The following PROM1 variants were observed in gnomAD, a reference collection of about 807,000 sequenced individuals.
The protein encoded by PROM1 is prominin 1, also known as prominin-1.
PROM1 carries 105 observed loss-of-function variants against 116.9 expected under a neutral mutation model. The observed-to-expected ratio is 0.90, with a 90% CI of 0.77 to 1.06. PROM1 has a LOEUF of 1.06. PROM1 is among the 50% of genes least tolerant of loss of function. The pLI is 0.00. For missense variants in PROM1, 1,122 were observed against 1,045.2 expected, an observed-to-expected ratio of 1.07 and a Z score of -1.01; for synonymous variants, 393 against 387.0, an observed-to-expected ratio of 1.02 and a Z score of -0.18.
rs562839152 is a variant in PROM1, at chr4:16,030,420, C to T, written c.509+2884G>A. On this transcript the variant is annotated intron_variant, in intron 5 of 27. Transcript: ENST00000447510. ...TTACAATTTTCACATTAATGTTTTA[C>T]TTGGGTGGGGAAAAAAATTGTTTTA... Among the ~76,000 whole-genome samples the T allele has an allele frequency of 5.3e-4, 80 of 151,984 alleles. 2 individuals carry two copies. Among genetic ancestry groups the T allele is most frequent in the African/African-American group, 1.8e-3 (76 of 41,476 alleles).
chr4:16,002,998 A>G (rs1401072528), intron 13 of PROM1, among the ~76,000 whole-genome samples: 1 of 152,242 alleles, frequency 6.6e-6, no homozygotes, highest in Non-Finnish European at 1.5e-5. Flanking sequence ...AGAATATGCG[A>G]CAAAGACTGT....
intron 2 of PROM1, among the ~76,000 whole-genome samples, chr4:16,057,290 G>A (rs996168804): frequency 6.6e-6 from 1 of 152,212 alleles, no homozygotes; most frequent in African/African-American, 2.4e-5. Context: ...CAGTTTCCAA[G>A]AGGATATAAA....
Position 16,018,236 on chromosome 4 carries a change from A to G in PROM1, c.1002+87T>C. 3 of 1,274,612 alleles carry G rather than the reference A, an allele frequency of 2.4e-6. No individual in the cohort carries two copies. The East Asian group carries it at 7.2e-5, about 31-fold the overall frequency. The allele number at this position is 1,274,612 out of a possible 1,614,324, so 79.0% of individuals were successfully genotyped here. A position where few individuals can be genotyped will look rare whatever the true frequency, so the allele number is the denominator to read the frequency against. ...TAACTGTTCTCCAAGTCAGGCCACC[A>G]TGCACTGGATAGGTCACCCACGCTT... On this transcript the variant is annotated intron_variant, in intron 9 of 27. Coordinates refer to ENST00000447510, the MANE Select transcript of PROM1 (RefSeq NM_006017.3).
At chr4:16,021,602 C>T (rs935845740) in intron 8 of PROM1, among the ~76,000 whole-genome samples, 1 of 152,196 alleles carries the variant, frequency 6.6e-6, no homozygotes, top group Non-Finnish European at 1.5e-5. Context: ...AACGCACTGA[C>T]GCACGAGGGA....
At chr4:15,979,010 AGAAGGAAG>A (rs3839177) in intron 26 of PROM1, among the ~76,000 whole-genome samples, 6 of 148,322 alleles carry the variant, frequency 4.0e-5, no homozygotes, top group Non-Finnish European at 5.9e-5. Flanking sequence ...AAGGAAGGAA[AGAAGGAAG>A]GAAGGAAGGA....
At chr4:16,082,571 G>A (rs1290103870) in intron 1 of PROM1, 1 of 152,234 alleles carries the variant, frequency 6.6e-6, no homozygotes, top group East Asian at 1.9e-4. Flanking sequence ...CTCCCTTCTG[G>A]GCGGAAGCCT....
intron 2 of PROM1, among the ~76,000 whole-genome samples, chr4:16,068,003 A>G (rs1237234180): frequency 6.6e-6 from 1 of 152,190 alleles, no homozygotes; most frequent in Non-Finnish European, 1.5e-5. Flanking sequence ...GATGCTGACA[A>G]GCTGGTTCTC....
chr4:16,025,467 C>T (rs561343448), intron 5 of PROM1, among the ~76,000 whole-genome samples, 155 bp from the exon 6 acceptor site: 2 of 152,206 alleles, frequency 1.3e-5, no homozygotes, highest in Non-Finnish European at 2.9e-5. Context: ...CTTCCCACCG[C>T]CATCCCACAG....
chr4:16,007,129 A>G (rs554336606), intron 12 of PROM1, among the ~76,000 whole-genome samples: 54 of 152,342 alleles, frequency 3.5e-4, no homozygotes, highest in African/African-American at 1.1e-3. Flanking sequence ...ACTACAGATA[A>G]AGAAATACTG....
intron 9 of PROM1, among the ~76,000 whole-genome samples, chr4:16,016,708 A>G (rs1200392075): frequency 6.6e-6 from 1 of 152,208 alleles, no homozygotes; most frequent in Non-Finnish European, 1.5e-5. Flanking sequence ...CTCCCACATG[A>G]TGTCCAAGAA....
At chr4:16,000,712 C>T (rs1723577396) in intron 13 of PROM1, 93 bp from the exon 14 acceptor site, 10 of 1,105,374 alleles carry the variant, frequency 9.0e-6, no homozygotes, top group African/African-American at 1.6e-5. Context: ...TATAAAATAG[C>T]CCTGGGGTCT....
intron 10 of PROM1, among the ~76,000 whole-genome samples, chr4:16,014,383 T>TG (rs913490299): frequency 2.0e-4 from 30 of 152,322 alleles, no homozygotes; most frequent in African/African-American, 7.2e-4. Context: ...GCAGATGTCA[T>TG]GGGGGGTTTC....
At chr4:16,066,140 G>A (rs112638300) in intron 2 of PROM1, among the ~76,000 whole-genome samples, 221 of 152,302 alleles carry the variant, frequency 1.5e-3, no homozygotes, top group African/African-American at 5.0e-3. Context: ...CAGAACCACA[G>A]AAGAATACAC....
At chr4:16,017,335 A>G (rs578037586) in intron 9 of PROM1, among the ~76,000 whole-genome samples, 52 of 152,310 alleles carry the variant, frequency 3.4e-4, no homozygotes, top group African/African-American at 1.2e-3. Context: ...GATACATATT[A>G]AAAATAAAAA....
At chr4:16,010,403 T>C (rs1032044310) in intron 11 of PROM1, among the ~76,000 whole-genome samples, 1 of 152,192 alleles carries the variant, frequency 6.6e-6, no homozygotes. Flanking sequence ...GAGACAAGAT[T>C]AGCAGTTCTC....
intron 13 of PROM1, among the ~76,000 whole-genome samples, chr4:16,001,654 G>A (rs891865521): frequency 9.2e-5 from 14 of 152,306 alleles, no homozygotes; most frequent in African/African-American, 3.4e-4. Context: ...ATTGCACAGA[G>A]AGGTCACTGC....
At chr4:15,998,974 C>T (rs2149174177) in intron 14 of PROM1, among the ~76,000 whole-genome samples, 1 of 152,174 alleles carries the variant, frequency 6.6e-6, no homozygotes. Flanking sequence ...AGGTGATCCA[C>T]CCACCTCAGC....
chr4:16,061,888 CTTTTTTTTTTTT>C (rs34310500), intron 2 of PROM1, among the ~76,000 whole-genome samples: 5 of 85,712 alleles, frequency 5.8e-5, no homozygotes, highest in Middle Eastern at 6.0e-3. Flanking sequence ...TACAAATTTC[CTTTTTTTTTTTT>C]TTTTTTTTTG....
intron 13 of PROM1, among the ~76,000 whole-genome samples, chr4:16,004,791 G>C (rs1476071546): frequency 6.7e-6 from 1 of 148,536 alleles, no homozygotes; most frequent in African/African-American, 2.5e-5. Context: ...TCTGTCCACA[G>C]GTACTTGCAG....
Sources: gnomAD v4.1 joint callset for allele counts (sites outside exome capture counted in the v4.1 genomes callset) on GRCh38, gnomAD v4.1.1 for gene constraint, MANE v1.5 for transcripts, NCBI Gene and HGNC (gene_info 2026-07-23, HGNC 2026-07-21) for gene names.